RAD54L2: variants seen among roughly 807,000 people sequenced by gnomAD.
RAD54L2 encodes RAD54 like 2.
RAD54L2 carries 27 observed loss-of-function variants against 138.4 expected under a neutral mutation model. The ratio of observed to expected loss-of-function variants is 0.20; its 90% CI spans 0.14 to 0.27. The LOEUF is 0.27. RAD54L2 is among the 10% of genes least tolerant of loss of function. The pLI is 1.00. For missense variants in RAD54L2, 1,396 were observed against 1,890.2 expected (o/e 0.74, Z 4.85); for synonymous variants, 644 against 723.2 (o/e 0.89, Z 1.76).
intron 1 of RAD54L2, among the ~76,000 whole-genome samples, chr3:51,540,933 C>G (rs1199480500): frequency 6.7e-6 from 1 of 149,624 alleles, no homozygotes; most frequent in Non-Finnish European, 1.5e-5. Context: ...CCCAGCTACT[C>G]TGGAGGCAGA....
chr3:51,570,177 A>G (rs1699307557), intron 2 of RAD54L2, among the ~76,000 whole-genome samples: 1 of 112,448 alleles, frequency 8.9e-6, no homozygotes, highest in Admixed American at 1.2e-4. Context: ...ACAGAGTCTC[A>G]CTCTTACCCA....
chr3:51,549,812 A>G (rs1351537141), intron 2 of RAD54L2, among the ~76,000 whole-genome samples: 1 of 151,268 alleles, frequency 6.6e-6, no homozygotes, highest in African/African-American at 2.4e-5. Flanking sequence ...GGGGAAGGAA[A>G]ATGGATGTAT....
At chr3:51,562,268 G>A (rs1002263815) in intron 2 of RAD54L2, among the ~76,000 whole-genome samples, 4 of 151,436 alleles carry the variant, frequency 2.6e-5, no homozygotes, top group Non-Finnish European at 4.4e-5. Flanking sequence ...TCTTGCTCTT[G>A]TTGCCCAGGC....
intron 6 of RAD54L2, 36 bp downstream of exon 6, chr3:51,630,424 C>G (rs957278530): frequency 1.2e-5 from 19 of 1,560,378 alleles, no homozygotes; most frequent in Non-Finnish European, 1.6e-5. Context: ...TTCTTCCGAC[C>G]TGGTGTTCAT....
intron 22 of RAD54L2, among the ~76,000 whole-genome samples, chr3:51,661,001 T>G (rs1701755770): frequency 6.6e-6 from 1 of 152,144 alleles, no homozygotes; most frequent in Non-Finnish European, 1.5e-5. Context: ...TCACCCAGGC[T>G]GGAGTGCAGC....
chr3:51,590,429 C>T lies in RAD54L2; in HGVS notation c.9C>T (p.Asp3=), dbSNP rs368518385. 6.5e-6 allele frequency: 10 copies of T among 1,538,702 alleles called. No individual in the cohort carries two copies. The highest frequency in any genetic ancestry group is 4.4e-6 in the Non-Finnish European group (5 of 1,138,986). The change falls in exon 3 of 23, where the codon GAC becomes GAT. Residue 3 remains aspartate (D), a synonymous_variant. Coordinates refer to ENST00000684192, the MANE Select transcript of RAD54L2 (RefSeq NM_015106.4). MS[D]ESASGSDPDL... is the part of the protein sequence containing the mutation. The stretch of plus-strand genomic sequence containing the variant: ...GAGGACCTCTGGGAGCCATGTCAGA[C>T]GAATCTGCCTCAGGGAGCGATCCAG...
intron 2 of RAD54L2, among the ~76,000 whole-genome samples, chr3:51,552,114 G>A (rs1698853563): frequency 6.6e-6 from 1 of 152,122 alleles, no homozygotes. Flanking sequence ...TCTACTTATA[G>A]AAATGTATGC....
At position 51,638,464 on chromosome 3, in the gene RAD54L2, G is replaced by A; in HGVS notation, c.1860+143G>A. The stretch of plus-strand genomic sequence containing the variant: ...CAGTTCACTGCACTGGAGGTTTGGG[G>A]GCTCCAAGGAGAGAGGTGATGGTTT... On this transcript the variant is annotated intron_variant, in intron 12 of 22. Transcript: ENST00000684192. The surrounding 1 kb of genome is among the most constrained non-coding windows in gnomAD (Gnocchi z 4.3). 1 of 969,312 alleles carries A rather than the reference G, an allele frequency of 1.0e-6. No homozygotes were observed. The highest frequency in any genetic ancestry group is 1.7e-5 in the South Asian group (1 of 58,238). The allele number at this position is 969,312 out of a possible 1,614,324, so 60.0% of individuals were successfully genotyped here. A position where few individuals can be genotyped will look rare whatever the true frequency, so the allele number is the denominator to read the frequency against.
In RAD54L2 at chr3:51,626,436, C is replaced by CTTTT. The variant is rs768354274; in HGVS notation, c.140-1094_140-1091dup. Among the ~76,000 whole-genome samples, 383 of 39,378 alleles carry CTTTT rather than the reference C, an allele frequency of 9.7e-3. 101 individuals are homozygous for CTTTT. Among genetic ancestry groups the CTTTT allele is most frequent in the African/African-American group, 0.039 (348 of 8,956 alleles). The allele number at this position is 39,378 out of a possible 152,430, so 25.8% of individuals were successfully genotyped here. On this transcript the variant is annotated intron_variant, in intron 3 of 22. Transcript: ENST00000684192. ...TGACATCCCCTGGACCCCCAACGAT[C>CTTTT]TTTTTTTTTTTTTTTTTTTTTTTTT...
intron 3 of RAD54L2, among the ~76,000 whole-genome samples, chr3:51,599,826 C>T (rs1047146954): frequency 3.9e-5 from 6 of 151,938 alleles, no homozygotes; most frequent in South Asian, 2.1e-4. Flanking sequence ...CAATGTTGAC[C>T]GGGCTAGTCT....
chr3:51,629,887 ATAAT>A (rs1700796878), intron 5 of RAD54L2, among the ~76,000 whole-genome samples: 1 of 152,212 alleles, frequency 6.6e-6, no homozygotes, highest in African/African-American at 2.4e-5. Flanking sequence ...AAAAATAAAA[ATAAT>A]TGTGGCCTCT....
At chr3:51,546,965 G>T (rs1021412267) in intron 2 of RAD54L2, among the ~76,000 whole-genome samples, 3 of 151,368 alleles carry the variant, frequency 2.0e-5, no homozygotes, top group Middle Eastern at 6.8e-3. Flanking sequence ...GGAGGCAAAG[G>T]TTGCAGTGAG....
At chr3:51,648,990 G>A (rs916000678) in intron 19 of RAD54L2, among the ~76,000 whole-genome samples, 1 of 151,828 alleles carries the variant, frequency 6.6e-6, no homozygotes, top group Admixed American at 6.6e-5. Flanking sequence ...GAAGGTCAGT[G>A]GTAACAAACT....
At chr3:51,635,878 G>A in intron 10 of RAD54L2, 89 bp downstream of exon 10, 13 of 1,315,684 alleles carry the variant, frequency 9.9e-6, no homozygotes, top group African/African-American at 1.5e-5. Context: ...GATGTAAAGT[G>A]CATTATTGAT....
At chr3:51,545,851 G>A (rs1698678940) in intron 2 of RAD54L2, among the ~76,000 whole-genome samples, 1 of 147,514 alleles carries the variant, frequency 6.8e-6, no homozygotes, top group Admixed American at 6.8e-5. Flanking sequence ...AATCAAATTA[G>A]TTTTTATGGG....
intron 3 of RAD54L2, among the ~76,000 whole-genome samples, chr3:51,593,372 G>A (rs938938286): frequency 4.8e-5 from 7 of 146,994 alleles, no homozygotes; most frequent in Non-Finnish European, 8.9e-5. Flanking sequence ...TTGCTCTGTC[G>A]CCCAGGCTGG....
intron 3 of RAD54L2, among the ~76,000 whole-genome samples, chr3:51,607,309 C>CT (rs1700208956): frequency 1.3e-5 from 2 of 151,754 alleles, no homozygotes. Context: ...GGTGATGACT[C>CT]TTAACGAGTA....
At chr3:51,640,074 A>AGACCAC in intron 14 of RAD54L2, 75 bp downstream of exon 14, 1 of 1,133,008 alleles carries the variant, frequency 8.8e-7, no homozygotes, top group Non-Finnish European at 1.3e-6. Context: ...AGCAAGACCA[A>AGACCAC]GACCACCCCC....
At chr3:51,603,085 T>C (rs1021134780) in intron 3 of RAD54L2, among the ~76,000 whole-genome samples, 14 of 149,874 alleles carry the variant, frequency 9.3e-5, no homozygotes, top group African/African-American at 3.2e-4. Context: ...GAGGATCAGT[T>C]GAGGTCAGGA....
Sources: allele counts gnomAD v4.1 joint callset (sites outside exome capture counted in the v4.1 genomes callset), GRCh38; gene constraint gnomAD v4.1.1; non-coding constraint Gnocchi (gnomAD v3.1); transcripts MANE v1.5; gene names NCBI Gene and HGNC (gene_info 2026-07-23, HGNC 2026-07-21).